Variants in CRIM1 observed in about 807,000 individuals in gnomAD.
CRIM1 encodes cysteine-rich motor neuron 1 protein.
In CRIM1, 32 loss-of-function variants were observed where a neutral mutation model predicts 116.4. The ratio of observed to expected loss-of-function variants is 0.27; its 90% CI spans 0.21 to 0.37. The LOEUF (loss-of-function observed/expected upper bound fraction) is 0.37. Ranked by LOEUF, CRIM1 falls within the 10% of genes least tolerant of loss-of-function variation. CRIM1 has a pLI of 1.00. For missense variants in CRIM1, 1,331 were observed against 1,354.8 expected, an observed-to-expected ratio of 0.98 and a Z score of 0.28; for synonymous variants, 590 against 509.2, an observed-to-expected ratio of 1.16 and a Z score of -2.13.
chr2:36,456,757 T>G (rs1392261654), intron 4 of CRIM1, among the ~76,000 whole-genome samples: 1 of 152,022 alleles, frequency 6.6e-6, no homozygotes, highest in Non-Finnish European at 1.5e-5. Context: ...CTTTCAGCTG[T>G]GTTTCTGCTG....
At chr2:36,485,902 T>C (rs1679783245) in intron 7 of CRIM1, among the ~76,000 whole-genome samples, 1 of 152,256 alleles carries the variant, frequency 6.6e-6, no homozygotes, top group African/African-American at 2.4e-5. Flanking sequence ...TCCTGGAAAC[T>C]AGTTCCATAA....
chr2:36,497,069 G>C (rs1389306735), intron 7 of CRIM1, among the ~76,000 whole-genome samples: 3 of 150,950 alleles, frequency 2.0e-5, no homozygotes, highest in Non-Finnish European at 1.5e-5. Flanking sequence ...TTCAAGGTCA[G>C]TTTAATCTTC....
At chr2:36,536,183 A>G (rs1240237293) in intron 13 of CRIM1, among the ~76,000 whole-genome samples, 2 of 152,236 alleles carry the variant, frequency 1.3e-5, no homozygotes, top group Non-Finnish European at 2.9e-5. Context: ...CGGGCTGCTC[A>G]GAGAAAATGG....
intron 6 of CRIM1, among the ~76,000 whole-genome samples, chr2:36,478,151 A>G (rs1250049871): frequency 6.6e-6 from 1 of 152,246 alleles, no homozygotes; most frequent in Admixed American, 6.5e-5. Context: ...TGAAGATCTG[A>G]AAATGTTTAA....
intron 4 of CRIM1, 115 bp downstream of exon 4, chr2:36,442,850 T>C: frequency 3.3e-6 from 4 of 1,229,476 alleles, no homozygotes; most frequent in Non-Finnish European, 4.7e-6. Flanking sequence ...CCTGTTTCTC[T>C]GGAAGAAATC....
At chr2:36,534,434 A>G (rs1190192974) in intron 13 of CRIM1, among the ~76,000 whole-genome samples, 5 of 123,868 alleles carry the variant, frequency 4.0e-5, no homozygotes, top group African/African-American at 1.3e-4. Flanking sequence ...GGAAGGGGAC[A>G]GGAAGGGAGG....
chr2:36,513,615 C>A lies in CRIM1; in HGVS notation c.1840C>A (p.His614Asn). The change falls in exon 11 of 17, where the codon CAT (histidine) becomes AAT (asparagine). Residue 614 changes from histidine to asparagine, a missense_variant. Physicochemically the swap from His to Asn is moderately conservative, Grantham distance 68. This residue lies in a region of CRIM1 where 358 missense variants were observed against 436.1 expected (regional missense o/e 0.82). Coordinates refer to ENST00000280527, the MANE Select transcript of CRIM1 (RefSeq NM_016441.3). ...LSGTCLTVDG[H>N]HHKNEESWHD... ...GGGCACTTGTCTCACCGTGGATGGT[C>A]ATCATCATAAAAATGAGGAGAGCTG... The A allele has an allele frequency of 6.2e-7, 1 of 1,614,072 alleles. No individual in the cohort carries two copies. The highest frequency in any genetic ancestry group is 1.1e-5 in the South Asian group (1 of 91,012).
intron 1 of CRIM1, chr2:36,378,953 T>C (rs1259860144): frequency 6.6e-6 from 1 of 152,182 alleles, no homozygotes; most frequent in African/African-American, 2.4e-5. Flanking sequence ...TCTAAAAATA[T>C]GTATTGATTT....
At chr2:36,478,914 A>AG (rs1486752164) in intron 6 of CRIM1, among the ~76,000 whole-genome samples, 3 of 151,870 alleles carry the variant, frequency 2.0e-5, no homozygotes, top group Admixed American at 2.0e-4. Context: ...AACTTATGGG[A>AG]GAAAAAATGG....
chr2:36,517,825 G>A (rs1025337758), intron 12 of CRIM1, among the ~76,000 whole-genome samples: 4 of 152,170 alleles, frequency 2.6e-5, no homozygotes, highest in Non-Finnish European at 1.5e-5. Context: ...AACTCGAGGC[G>A]TATACCTAAG....
intron 14 of CRIM1, 30 bp from the exon 15 acceptor site, chr2:36,544,346 T>C: frequency 7.6e-7 from 1 of 1,322,338 alleles, no homozygotes; most frequent in Non-Finnish European, 9.7e-7. Context: ...AGCTTCATCA[T>C]CTCTTAGGAA....
At chr2:36,437,208 T>A (rs1163473845) in intron 2 of CRIM1, among the ~76,000 whole-genome samples, 1 of 152,178 alleles carries the variant, frequency 6.6e-6, no homozygotes, top group Non-Finnish European at 1.5e-5. Context: ...ACCGTATCTG[T>A]ACTAAAAATA....
At chr2:36,539,897 T>C (rs1189743877) in intron 14 of CRIM1, among the ~76,000 whole-genome samples, 1 of 152,118 alleles carries the variant, frequency 6.6e-6, no homozygotes, top group Non-Finnish European at 1.5e-5. Context: ...TTTGAAAGTT[T>C]AGCCATAGGT....
rs201740264 is a variant in CRIM1 at position 36,441,485 on chromosome 2, T to C, written c.733T>C (p.Tyr245His). ...GAAGCCGGGAGAGTGCTGTGACCTCTATGAGTGCAAACCAGGTATGCACGA... is the reference window on the plus strand; with the variant it reads ...GAAGCCGGGAGAGTGCTGTGACCTCCATGAGTGCAAACCAGGTATGCACGA... ...SGKPGECCDLYECKPVFGVDC... is the reference protein window; with the variant it reads ...SGKPGECCDLHECKPVFGVDC... Residue 245 changes from tyrosine (Y) to histidine (H), a missense_variant, in exon 3 of 17, where the codon TAT (tyrosine) becomes CAT (histidine). Around this residue, in one of 3 missense-constraint regions of CRIM1, gnomAD observed 690 missense variants for 676.0 expected, o/e 1.02. Transcript: ENST00000280527. 5.0e-6 allele frequency: 8 copies of C among 1,611,178 alleles called. No individual in the cohort carries two copies. The highest frequency in any genetic ancestry group is 6.8e-6 in the Non-Finnish European group (8 of 1,180,012).
At chr2:36,447,450 TC>T (rs1421232330) in intron 4 of CRIM1, among the ~76,000 whole-genome samples, 3 of 152,192 alleles carry the variant, frequency 2.0e-5, no homozygotes, top group Non-Finnish European at 4.4e-5. Flanking sequence ...AAAGATTTAT[TC>T]TTTGTCCTGA....
chr2:36,471,531 C>T lies in CRIM1; in HGVS notation c.992-5358C>T, dbSNP rs145542600. Among the ~76,000 whole-genome samples the T allele has an allele frequency of 1.4e-4, 22 of 152,262 alleles. No homozygotes were observed. In the East Asian group the frequency reaches 4.2e-3, roughly 29 times the overall value. ...ACTATTTACTGAAGGCTCAGATGATCGTTAGCAGTTTTTAGCAATAAAGTA... is the reference window on the plus strand; with the variant it reads ...ACTATTTACTGAAGGCTCAGATGATTGTTAGCAGTTTTTAGCAATAAAGTA... On this transcript the variant is annotated intron_variant, in intron 5 of 16. Transcript: ENST00000280527.
At chr2:36,361,503 A>G (rs908450945) in intron 1 of CRIM1, among the ~76,000 whole-genome samples, 1 of 152,144 alleles carries the variant, frequency 6.6e-6, no homozygotes, top group Non-Finnish European at 1.5e-5. Context: ...TGGGGGATAT[A>G]TTGTAGATGA....
At chr2:36,391,742 A>G (rs936622315) in intron 1 of CRIM1, among the ~76,000 whole-genome samples, 3 of 151,462 alleles carry the variant, frequency 2.0e-5, no homozygotes, top group Non-Finnish European at 4.4e-5. Context: ...TAATTCCATA[A>G]TCCTATTAAC....
chr2:36,521,161 T>G (rs1558396623), intron 12 of CRIM1, among the ~76,000 whole-genome samples: 1 of 152,220 alleles, frequency 6.6e-6, no homozygotes, highest in Non-Finnish European at 1.5e-5. Context: ...TGGAAACCGA[T>G]GCCCAAAGTG....
Sources: gnomAD v4.1 joint callset for allele counts (sites outside exome capture counted in the v4.1 genomes callset) on GRCh38, gnomAD v4.1.1 for gene constraint, gnomAD v4.1.1 regional missense constraint, MANE v1.5 for transcripts, NCBI Gene and HGNC (gene_info 2026-07-23, HGNC 2026-07-21) for gene names.